Variants in DNAJC2 observed in about 807,000 individuals in gnomAD.
The protein encoded by DNAJC2 is dnaJ homolog subfamily C member 2.
A neutral mutation model predicts 94.0 loss-of-function variants in DNAJC2; 32 were observed. The ratio of observed to expected loss-of-function variants is 0.34; its 90% confidence interval spans 0.26 to 0.46. The LOEUF (loss-of-function observed/expected upper bound fraction) is 0.46. DNAJC2 is among the 20% of genes least tolerant of loss of function. The pLI, the probability that DNAJC2 is intolerant of heterozygous loss-of-function variation, is 1.00. For missense variants in DNAJC2, 550 were observed against 719.5 expected (o/e 0.76, Z 2.69); for synonymous variants, 210 against 229.7 (o/e 0.91, Z 0.77).
intron 3 of DNAJC2, chr7:103,337,465 A>T (rs1819218555): frequency 3.2e-6 from 1 of 314,346 alleles, no homozygotes; most frequent in Admixed American, 4.9e-5. Context: ...ATTTTTTAAA[A>T]GCTTGCCATT....
intron 13 of DNAJC2, 88 bp downstream of exon 13, chr7:103,316,742 G>A (rs1818081226): frequency 1.8e-6 from 2 of 1,104,868 alleles, no homozygotes; most frequent in Non-Finnish European, 2.6e-6. Flanking sequence ...GCAAGTTTCT[G>A]TGATAACAAG....
rs766904632 is a variant in DNAJC2, at chr7:103,314,280, ATAAAT to A, written c.1637-1184_1637-1180del. ...TCTCCAGTTACTTCACAATACCAAAATAAATTAAACGTACTGTTGCAAAACTCCTA... is the reference window on the plus strand; with the variant it reads ...TCTCCAGTTACTTCACAATACCAAAATAAACGTACTGTTGCAAAACTCCTA... On this transcript the variant is annotated intron_variant, in intron 15 of 16. Transcript: ENST00000379263. 225 of 985,424 alleles carry A rather than the reference ATAAAT, an allele frequency of 2.3e-4. No individual in the cohort carries two copies. In the Middle Eastern group the frequency reaches 2.6e-3, roughly 11 times the overall value. The allele number at this position is 985,424 out of a possible 1,614,324, so 61.0% of individuals were successfully genotyped here.
At chr7:103,319,983 G>C (rs999385201) in intron 10 of DNAJC2, 139 bp from the exon 11 acceptor site, 3 of 784,006 alleles carry the variant, frequency 3.8e-6, no homozygotes, top group Non-Finnish European at 6.3e-6. Context: ...GCAGCAAACT[G>C]AGATCACGCC....
intron 15 of DNAJC2, chr7:103,314,710 T>C (rs1012607334): frequency 1.1e-6 from 1 of 938,418 alleles, no homozygotes; most frequent in African/African-American, 1.8e-5. Flanking sequence ...CTGCTGATTT[T>C]TGCAATGATT....
intron 5 of DNAJC2, among the ~76,000 whole-genome samples, chr7:103,326,263 C>G (rs1818702535): frequency 6.6e-6 from 1 of 152,160 alleles, no homozygotes; most frequent in Non-Finnish European, 1.5e-5. Context: ...CAGGTGTGAA[C>G]CACTGTGCCC....
chr7:103,313,410 A>T, intron 15 of DNAJC2: 1 of 984,062 alleles, frequency 1.0e-6, no homozygotes, highest in Non-Finnish European at 1.2e-6. Flanking sequence ...GCCATATTTA[A>T]ATTTATAGTA....
In DNAJC2 at chr7:103,312,303, G is replaced by T. The variant is rs1206110351; in HGVS notation, c.*266C>A. The T allele has an allele frequency of 1.0e-5, 16 of 1,605,190 alleles. No homozygotes were observed. Among genetic ancestry groups the T allele is most frequent in the Non-Finnish European group, 1.4e-5 (16 of 1,179,610 alleles). ...CCTAATCAAGATTGTTTGAACACAT[G>T]TATTTATAAAACAGAGCTAGAGAAA... On this transcript the variant is annotated 3_prime_UTR_variant, in exon 17 of 17. Transcript: ENST00000379263.
At chr7:103,328,813 G>A in intron 3 of DNAJC2, 1 of 284,512 alleles carries the variant, frequency 3.5e-6, no homozygotes, top group East Asian at 1.1e-4. Flanking sequence ...TATAATTTAG[G>A]CATTTCTCTA....
In DNAJC2 at chr7:103,315,976, C is replaced by T; in HGVS notation, c.1528+12G>A. 1 of 1,585,976 alleles carries T rather than the reference C, an allele frequency of 6.3e-7. No homozygotes were observed. ...GGTGTTTAAAGTAACAAATGGACTTCTCAAAACTCACCAAGTTTTTGGAGA... is the reference window on the plus strand; with the variant it reads ...GGTGTTTAAAGTAACAAATGGACTTTTCAAAACTCACCAAGTTTTTGGAGA... On this transcript the variant is annotated intron_variant, in intron 14 of 16. Transcript: ENST00000379263.
chr7:103,317,415 C>T (rs1283439504), intron 12 of DNAJC2: 1 of 163,060 alleles, frequency 6.1e-6, no homozygotes, highest in Non-Finnish European at 1.3e-5. Flanking sequence ...AGCAAAATGG[C>T]CTCTTTTATT....
chr7:103,341,674 T>G, intron 2 of DNAJC2, 90 bp downstream of exon 2: 1 of 1,123,916 alleles, frequency 8.9e-7, no homozygotes. Context: ...TGAATCATCT[T>G]AAAACATGTT....
At chr7:103,337,234 G>A (rs1819208161) in intron 3 of DNAJC2, 1 of 153,068 alleles carries the variant, frequency 6.5e-6, no homozygotes, top group African/African-American at 2.4e-5. Context: ...GAAGACTGGG[G>A]TCCCAACATT....
rs145017066 is a variant in DNAJC2, at chr7:103,328,226, G to A, written c.332-472C>T. Among the ~76,000 whole-genome samples the A allele has an allele frequency of 7.3e-3, 1,117 of 152,150 alleles. 11 individuals carry two copies. The highest frequency in any genetic ancestry group is 0.026 in the African/African-American group (1,079 of 41,504). On this transcript the variant is annotated intron_variant, in intron 3 of 16. Transcript: ENST00000379263. ...TGTGAGCCACTGAGCCCGGCTTGAA[G>A]TAATTATTTTAAGAATTAGCCAAAG...
At chr7:103,332,941 C>T (rs573779020) in intron 3 of DNAJC2, among the ~76,000 whole-genome samples, 3 of 152,182 alleles carry the variant, frequency 2.0e-5, no homozygotes, top group Non-Finnish European at 4.4e-5. Flanking sequence ...TATTTCACTA[C>T]GTTTTGAGTA....
intron 13 of DNAJC2, 87 bp downstream of exon 13, chr7:103,316,743 T>C (rs949500058): frequency 4.5e-6 from 5 of 1,113,296 alleles, no homozygotes; most frequent in Non-Finnish European, 6.5e-6. Flanking sequence ...CAAGTTTCTG[T>C]GATAACAAGT....
At chr7:103,320,357 G>C (rs1458978596) in intron 10 of DNAJC2, among the ~76,000 whole-genome samples, 1 of 151,964 alleles carries the variant, frequency 6.6e-6, no homozygotes, top group African/African-American at 2.4e-5. Context: ...CAAAGTGCTG[G>C]TTACAGGTGT....
At chr7:103,319,145 AAAAC>A (rs1204921926) in intron 12 of DNAJC2, among the ~76,000 whole-genome samples, 1 of 152,042 alleles carries the variant, frequency 6.6e-6, no homozygotes, top group South Asian at 2.1e-4. Context: ...CTCAAAAACA[AAAAC>A]AAAAACAGGC....
chr7:103,337,896 T>C (rs772206414), intron 2 of DNAJC2, 85 bp from the exon 3 acceptor site: 313 of 953,492 alleles, frequency 3.3e-4, no homozygotes, highest in Middle Eastern at 6.2e-4. Flanking sequence ...TAATAAGCAT[T>C]TCCCAAAGTG....
intron 2 of DNAJC2, among the ~76,000 whole-genome samples, 165 bp from the exon 3 acceptor site, chr7:103,337,976 T>A (rs1346332259): frequency 6.6e-6 from 1 of 152,108 alleles, no homozygotes; most frequent in Non-Finnish European, 1.5e-5. Context: ...GGTTGAGAAA[T>A]GTGGATTAGG....
Sources: gnomAD v4.1 joint callset for allele counts (sites outside exome capture counted in the v4.1 genomes callset) on GRCh38, gnomAD v4.1.1 for gene constraint, MANE v1.5 for transcripts, NCBI Gene and HGNC (gene_info 2026-07-23, HGNC 2026-07-21) for gene names.